Variants in USH2A observed in about 807,000 individuals in gnomAD.
USH2A encodes usherin.
USH2A carries 443 observed loss-of-function variants against 538.9 expected under a neutral mutation model. The observed-to-expected ratio is 0.82, with a 90% CI of 0.76 to 0.89. USH2A has a LOEUF of 0.89. USH2A is among the 40% of genes least tolerant of loss of function. The probability of loss-of-function intolerance (pLI) is 0.00; values close to 1 mark genes in which losing one functional copy is unlikely to be tolerated. For missense variants in USH2A, 6,633 were observed against 6,324.8 expected (o/e 1.05, Z -1.65); for synonymous variants, 2,413 against 2,273.5 (o/e 1.06, Z -1.75).
intron 47 of USH2A, among the ~76,000 whole-genome samples, chr1:215,832,070 C>T (rs1447545409): frequency 6.6e-6 from 1 of 151,744 alleles, no homozygotes; most frequent in Non-Finnish European, 1.5e-5. Context: ...TTTTCTGCAC[C>T]CACAAGATGA....
At chr1:216,330,423 A>G (rs552004999) in intron 4 of USH2A, among the ~76,000 whole-genome samples, 1 of 152,164 alleles carries the variant, frequency 6.6e-6, no homozygotes, top group African/African-American at 2.4e-5. Context: ...AGAATGTGGC[A>G]TTGACAGGGG....
Position 216,327,798 on chromosome 1 carries a change from C to T in USH2A, c.785-144G>A, listed in dbSNP as rs780817416. 5.3e-4 allele frequency: 493 copies of T among 923,222 alleles called. 1 individual carries two copies. Among genetic ancestry groups the T allele is most frequent in the Non-Finnish European group, 7.6e-4 (446 of 588,764 alleles). 57.2% of individuals were successfully genotyped at this position (923,222 alleles called of 1,614,324 possible). On this transcript the variant is annotated intron_variant, in intron 4 of 71. Transcript: ENST00000307340. ...CCCTTTGAAACTTTTACAGATCAAT[C>T]TCTAGTTTGCTAATTCCACATTAAT...
At chr1:215,998,439 T>G (rs978788674) in intron 34 of USH2A, among the ~76,000 whole-genome samples, 1 of 152,120 alleles carries the variant, frequency 6.6e-6, no homozygotes, top group Non-Finnish European at 1.5e-5. Flanking sequence ...TAAACCAGAA[T>G]GTAATAACAA....
At chr1:216,153,620 A>C (rs550434691) in intron 21 of USH2A, among the ~76,000 whole-genome samples, 13 of 152,204 alleles carry the variant, frequency 8.5e-5, no homozygotes, top group Non-Finnish European at 1.5e-4. Flanking sequence ...CATGTGAAAA[A>C]CTTTCATTTC....
At chr1:216,248,038 T>C (rs1208501418) in intron 12 of USH2A, among the ~76,000 whole-genome samples, 1 of 152,154 alleles carries the variant, frequency 6.6e-6, no homozygotes, top group Non-Finnish European at 1.5e-5. Flanking sequence ...AGGGCAATTT[T>C]TGGTTTAATC....
At chr1:216,322,573 T>C (rs534940636) in intron 8 of USH2A, among the ~76,000 whole-genome samples, 2 of 139,580 alleles carry the variant, frequency 1.4e-5, no homozygotes, top group South Asian at 2.2e-4. Context: ...TGCCATTGCA[T>C]GCCAGCCTGG....
intron 52 of USH2A, among the ~76,000 whole-genome samples, chr1:215,784,475 T>G (rs1320832666): frequency 3.5e-5 from 5 of 144,208 alleles, no homozygotes; most frequent in Non-Finnish European, 7.5e-5. Flanking sequence ...GCTTCCTTCT[T>G]TCTTCATATA....
intron 37 of USH2A, among the ~76,000 whole-genome samples, chr1:215,943,180 T>C (rs1186911502): frequency 6.6e-6 from 1 of 152,042 alleles, no homozygotes; most frequent in Non-Finnish European, 1.5e-5. Flanking sequence ...AAAAATAATA[T>C]ATCGAGTATT....
chr1:215,678,197 G>C (rs1271938113), intron 62 of USH2A, among the ~76,000 whole-genome samples: 1 of 152,144 alleles, frequency 6.6e-6, no homozygotes, highest in Non-Finnish European at 1.5e-5. Flanking sequence ...AGGGTAGCCA[G>C]AGTGATTTTT....
chr1:215,987,105 G>T (rs910400459), intron 35 of USH2A, among the ~76,000 whole-genome samples: 1 of 152,180 alleles, frequency 6.6e-6, no homozygotes, highest in Admixed American at 6.5e-5. Context: ...TGTTATGCTA[G>T]ATAATGACGA....
intron 37 of USH2A, among the ~76,000 whole-genome samples, chr1:215,940,542 T>C (rs1427572693): frequency 3.3e-5 from 5 of 152,166 alleles, no homozygotes; most frequent in African/African-American, 1.2e-4. Context: ...TGAGTATTTG[T>C]TTATTTTGTA....
At chr1:216,324,864 C>G (rs556745696) in intron 6 of USH2A, among the ~76,000 whole-genome samples, 18 of 152,140 alleles carry the variant, frequency 1.2e-4, no homozygotes, top group Non-Finnish European at 2.2e-4. Flanking sequence ...ATTGTGTTCC[C>G]AAATAGATAT....
At chr1:216,191,437 T>G (rs1305984024) in intron 19 of USH2A, among the ~76,000 whole-genome samples, 1 of 151,986 alleles carries the variant, frequency 6.6e-6, no homozygotes, top group Non-Finnish European at 1.5e-5. Flanking sequence ...GAGATTGGAA[T>G]GTAGAATACA....
chr1:216,090,630 T>C lies in USH2A; in HGVS notation c.4759-1491A>G, dbSNP rs562657708. 4.6e-5 allele frequency among the ~76,000 whole-genome samples: 7 copies of C among 152,272 alleles called. No homozygotes were observed. The South Asian group carries it at 8.3e-4, about 18-fold the overall frequency. On this transcript the variant is annotated intron_variant, in intron 22 of 71. Coordinates refer to ENST00000307340, the MANE Select transcript of USH2A (RefSeq NM_206933.4). Reference sequence around the variant, plus strand: ...CACACCCTTTTATTTTCTTCAACCCTATTTCAACATTTTAATATTTTACAA... The same window carrying C: ...CACACCCTTTTATTTTCTTCAACCCCATTTCAACATTTTAATATTTTACAA...
chr1:215,644,327 G>C lies in USH2A; in HGVS notation c.14791+3195C>G, dbSNP rs530645947. Reference sequence around the variant, plus strand: ...GAGAAATTCAGAGGGAGATGTCTGTGAGGAATCTGGGTGGAGGGGTATACA... The same window carrying C: ...GAGAAATTCAGAGGGAGATGTCTGTCAGGAATCTGGGTGGAGGGGTATACA... On this transcript the variant is annotated intron_variant, in intron 67 of 71. Coordinates refer to ENST00000307340, the MANE Select transcript of USH2A (RefSeq NM_206933.4). Among the ~76,000 whole-genome samples the C allele has an allele frequency of 5.3e-5, 8 of 152,276 alleles. No individual in the cohort carries two copies. The South Asian group carries it at 1.7e-3, about 32-fold the overall frequency.
Position 216,078,283 on chromosome 1 carries a change from A to G in USH2A, c.5378T>C (p.Leu1793Pro). 1 of 1,613,742 alleles carries G rather than the reference A, an allele frequency of 6.2e-7. No homozygotes were observed. Among genetic ancestry groups the G allele is most frequent in the Non-Finnish European group, 8.5e-7 (1 of 1,179,654 alleles). Residue 1793 changes from leucine (L) to proline (P), a missense_variant, in exon 27 of 72, where the codon CTA (leucine) becomes CCA (proline). Coordinates refer to ENST00000307340, the MANE Select transcript of USH2A (RefSeq NM_206933.4). ...AFTQVDLLLGLSYCNGKWNKV... is the reference protein window; with the variant it reads ...AFTQVDLLLGPSYCNGKWNKV... The stretch of plus-strand genomic sequence containing the variant: ...ATTCCACTTTCCATTACAATAGGAT[A>G]GCCCCAGCAATAGATCCACTTGTGT...
intron 30 of USH2A, among the ~76,000 whole-genome samples, chr1:216,060,683 C>T (rs1436189074): frequency 1.3e-5 from 2 of 152,136 alleles, no homozygotes; most frequent in African/African-American, 4.8e-5. Flanking sequence ...ATTTTGTATA[C>T]ACCAATTATA....
chr1:215,876,838 T>C (rs1214506041), intron 43 of USH2A, among the ~76,000 whole-genome samples: 1 of 151,946 alleles, frequency 6.6e-6, no homozygotes. Flanking sequence ...ATGTTGGAGG[T>C]ACTGAATGCA....
At chr1:215,637,396 A>G (rs2102632961) in intron 69 of USH2A, among the ~76,000 whole-genome samples, 1 of 152,334 alleles carries the variant, frequency 6.6e-6, no homozygotes, top group Non-Finnish European at 1.5e-5. Context: ...TCCTATGCGT[A>G]CTTAACTTGG....
Sources: gnomAD v4.1 joint callset for allele counts (sites outside exome capture counted in the v4.1 genomes callset) on GRCh38, gnomAD v4.1.1 for gene constraint, MANE v1.5 for transcripts, NCBI Gene and HGNC (gene_info 2026-07-23, HGNC 2026-07-21) for gene names.